Variants in SH3BP2 observed in about 807,000 individuals in gnomAD.
The protein encoded by SH3BP2 is SH3 domain-binding protein 2.
A neutral mutation model predicts 56.2 loss-of-function variants in SH3BP2; 38 were observed. The observed-to-expected ratio is 0.68, with a 90% CI of 0.52 to 0.89. SH3BP2 has a LOEUF of 0.89. SH3BP2 is among the 40% of genes least tolerant of loss of function. SH3BP2 has a pLI of 0.00. For synonymous variants in SH3BP2, 346 were observed against 316.7 expected (o/e 1.09, Z -0.98); for missense variants, 748 against 762.6 (o/e 0.98, Z 0.23).
At position 2,804,193 on chromosome 4, in the gene SH3BP2, G is replaced by A. The variant is rs532075781; in HGVS notation, c.-5+11055G>A. ...CTCTCTGGGGGTCTCCTTCTGTCCC[G>A]GCACCGCCTGCTCCTGTTCCTCATC... is the stretch of plus-strand genomic sequence containing the variant. On this transcript the variant is annotated intron_variant, in intron 1 of 12. Coordinates refer to ENST00000503393, the MANE Select transcript of SH3BP2 (RefSeq NM_001122681.2). 3.3e-5 allele frequency among the ~76,000 whole-genome samples: 5 copies of A among 152,238 alleles called. No homozygotes were observed. In the South Asian group the frequency reaches 6.2e-4, roughly 19 times the overall value.
At position 2,837,975 on chromosome 4, in the gene SH3BP2, C is replaced by T. The variant is rs900208780; in HGVS notation, c.*4141C>T. 1 of 152,248 alleles carries T rather than the reference C, an allele frequency of 6.6e-6. No homozygotes were observed. The highest frequency in any genetic ancestry group is 2.1e-4 in the South Asian group (1 of 4,834). 9.4% of individuals were successfully genotyped at this position (152,248 alleles called of 1,614,324 possible). On this transcript the variant is annotated 3_prime_UTR_variant, in exon 13 of 13. Coordinates refer to ENST00000503393, the MANE Select transcript of SH3BP2 (RefSeq NM_001122681.2). ...AGATTTGATGGGTACAGAGCAGACC[C>T]CTACCTGTCTACCCTCCTTCGGACC...
At chr4:2,817,384 G>T (rs1415838836) in intron 1 of SH3BP2, among the ~76,000 whole-genome samples, 2 of 152,240 alleles carry the variant, frequency 1.3e-5, no homozygotes, top group Non-Finnish European at 2.9e-5. Context: ...AGGGCACTGA[G>T]AACAGAGGCA....
At chr4:2,821,900 C>T (rs1724328126) in intron 2 of SH3BP2, among the ~76,000 whole-genome samples, 1 of 151,108 alleles carries the variant, frequency 6.6e-6, no homozygotes, top group Non-Finnish European at 1.5e-5. Flanking sequence ...TGGAGTCTTG[C>T]TCTGTTGCCC....
rs896988421 is a variant in SH3BP2, at chr4:2,793,152, G to A, written c.-5+14G>A. ...AGCGCTCGGCGGGTAAGCCTCGGCG[G>A]CGGGTCTCGGCGGGTCTCGGGGGTC... On this transcript the variant is annotated intron_variant, in intron 1 of 12. Transcript: ENST00000503393. The A allele has an allele frequency of 2.0e-5, 3 of 149,970 alleles. No individual in the cohort carries two copies. The highest frequency in any genetic ancestry group is 7.3e-5 in the African/African-American group (3 of 40,966). 9.3% of individuals were successfully genotyped at this position (149,970 alleles called of 1,614,324 possible).
At chr4:2,827,133 A>C in intron 5 of SH3BP2, 97 bp from the exon 6 acceptor site, 1 of 898,388 alleles carries the variant, frequency 1.1e-6, no homozygotes, top group Non-Finnish European at 1.8e-6. Flanking sequence ...GTATCTGTCC[A>C]TGTATCCGCG....
intron 1 of SH3BP2, among the ~76,000 whole-genome samples, chr4:2,796,871 C>T (rs1024158889): frequency 2.0e-5 from 3 of 152,168 alleles, no homozygotes; most frequent in East Asian, 1.9e-4. Context: ...AGGCAGGGGC[C>T]GAGGGAAGCG....
At chr4:2,818,349 G>A in intron 1 of SH3BP2, 6 of 1,179,674 alleles carry the variant, frequency 5.1e-6, no homozygotes, top group Non-Finnish European at 6.3e-6. Flanking sequence ...GGCGGGCGTG[G>A]ATCGCCCCGG....
At chr4:2,827,389 G>T (rs2033460801) in intron 6 of SH3BP2, 71 bp downstream of exon 6, 1 of 1,425,230 alleles carries the variant, frequency 7.0e-7, no homozygotes, top group African/African-American at 1.4e-5. Context: ...CGCTGTGGAG[G>T]AGAGGGAGGT....
At chr4:2,828,320 C>T (rs80048373) in intron 7 of SH3BP2, among the ~76,000 whole-genome samples, 2,226 of 152,176 alleles carry the variant, frequency 0.015, 61 homozygotes, top group African/African-American at 0.051. Flanking sequence ...TGTTTTCCAG[C>T]CTCCTGTTCT....
rs1301397459 is a variant in SH3BP2, at chr4:2,832,429, G to T, written c.1488+17G>T. Reference sequence around the variant, plus strand: ...TCGGGGAAGGTAGGCGCCAGGGGAAGATGCCCCAGGGCCCCTCTGGCTCTC... The same window carrying T: ...TCGGGGAAGGTAGGCGCCAGGGGAATATGCCCCAGGGCCCCTCTGGCTCTC... On this transcript the variant is annotated intron_variant, in intron 11 of 12. Coordinates refer to ENST00000503393, the MANE Select transcript of SH3BP2 (RefSeq NM_001122681.2). 4 of 1,604,602 alleles carry T rather than the reference G, an allele frequency of 2.5e-6. No individual in the cohort carries two copies. The Admixed American group carries it at 6.7e-5, about 27-fold the overall frequency.
intron 5 of SH3BP2, among the ~76,000 whole-genome samples, chr4:2,825,918 T>A (rs2108732564): frequency 6.6e-6 from 1 of 152,334 alleles, no homozygotes; most frequent in East Asian, 1.9e-4. Context: ...GGATTGGGAC[T>A]TCCTGGCCCG....
At chr4:2,833,252 A>G (rs1325612323) in intron 12 of SH3BP2, 5 of 639,248 alleles carry the variant, frequency 7.8e-6, no homozygotes, top group Non-Finnish European at 1.4e-5. Context: ...TTTGTCCTCC[A>G]CTGACCCTAG....
At chr4:2,816,895 A>G (rs1724025658) in intron 1 of SH3BP2, among the ~76,000 whole-genome samples, 1 of 152,104 alleles carries the variant, frequency 6.6e-6, no homozygotes, top group East Asian at 1.9e-4. Flanking sequence ...TTGTAGTTTT[A>G]TTGTGATGTC....
intron 5 of SH3BP2, among the ~76,000 whole-genome samples, chr4:2,825,710 A>C (rs576257428): frequency 3.0e-4 from 46 of 152,190 alleles, no homozygotes; most frequent in African/African-American, 1.1e-3. Flanking sequence ...CTGTTAGGGG[A>C]TCATGTGTGT....
chr4:2,795,299 C>G (rs528123427), intron 1 of SH3BP2, among the ~76,000 whole-genome samples: 1 of 152,304 alleles, frequency 6.6e-6, no homozygotes, highest in South Asian at 2.1e-4. Context: ...CAGGAGTGGC[C>G]AGTGTTGGGC....
At chr4:2,816,783 C>G (rs1363258913) in intron 1 of SH3BP2, among the ~76,000 whole-genome samples, 1 of 152,208 alleles carries the variant, frequency 6.6e-6, no homozygotes, top group African/African-American at 2.4e-5. Flanking sequence ...TGGGATAAAT[C>G]CCACATGGTC....
chr4:2,833,199 C>G (rs1256584649), intron 12 of SH3BP2, 150 bp downstream of exon 12: 1 of 726,542 alleles, frequency 1.4e-6, no homozygotes, highest in African/African-American at 1.7e-5. Flanking sequence ...CATCGCTCAC[C>G]CCCCACCCCT....
chr4:2,831,590 C>A lies in SH3BP2; in HGVS notation c.1261C>A (p.Gln421Lys). The A allele has an allele frequency of 1.3e-6, 2 of 1,595,270 alleles. No homozygotes were observed. The highest frequency in any genetic ancestry group is 2.3e-5 in the East Asian group (1 of 43,898). Residue 421 changes from glutamine to lysine, a missense_variant, in exon 9 of 13, where the codon CAG (glutamine) becomes AAG (lysine). Gln to Lys is a moderately conservative substitution (Grantham distance 53). This residue lies in a region of SH3BP2 where 635 missense variants were observed against 615.0 expected (regional missense o/e 1.03). Transcript: ENST00000503393. The surrounding 1 kb of genome is among the most constrained non-coding windows in gnomAD (Gnocchi z 4.1). ...PHLQRSPPDG[Q>K]SFRSFSFEKP... ...CTCCAGGCGATCACCCCCCGATGGG[C>A]AGAGTTTCAGGAGCTTCTCCTTTGA...
At chr4:2,825,227 T>G (rs1724538295) in intron 5 of SH3BP2, 31 bp downstream of exon 5, 1 of 1,543,584 alleles carries the variant, frequency 6.5e-7, no homozygotes, top group South Asian at 1.2e-5. Context: ...TACCGGGCAG[T>G]GAGGGTCCCT....
Sources: allele counts gnomAD v4.1 joint callset (sites outside exome capture counted in the v4.1 genomes callset), GRCh38; gene constraint gnomAD v4.1.1; regional missense constraint gnomAD v4.1.1; non-coding constraint Gnocchi (gnomAD v3.1); transcripts MANE v1.5; gene names NCBI Gene and HGNC (gene_info 2026-07-23, HGNC 2026-07-21).